ERC2: variants seen among roughly 807,000 people sequenced by gnomAD.
ERC2 encodes ELKS/RAB6-interacting/CAST family member 2, also known as ERC protein 2.
In ERC2, 42 loss-of-function variants were observed where a neutral mutation model predicts 114.8. The observed-to-expected ratio is 0.37, with a 90% CI of 0.29 to 0.47. The LOEUF is 0.47. ERC2 is among the 20% of genes least tolerant of loss of function. The pLI, the probability that ERC2 is intolerant of heterozygous loss-of-function variation, is 0.99. For synonymous variants in ERC2, 454 were observed against 425.5 expected, an observed-to-expected ratio of 1.07 and a Z score of -0.82; for missense variants, 939 against 1,150.7, an observed-to-expected ratio of 0.82 and a Z score of 2.66.
chr3:56,102,085 G>A (rs1010958663), intron 6 of ERC2, among the ~76,000 whole-genome samples: 5 of 152,144 alleles, frequency 3.3e-5, no homozygotes, highest in South Asian at 2.1e-4. Context: ...TTATTCATAC[G>A]TTCACTGGCT....
chr3:55,529,332 C>A (rs1017846097), intron 17 of ERC2, among the ~76,000 whole-genome samples: 1 of 152,200 alleles, frequency 6.6e-6, no homozygotes. Context: ...CCTGGATTGA[C>A]TATGGAGCAC....
At chr3:56,244,904 T>C (rs900702785) in intron 3 of ERC2, among the ~76,000 whole-genome samples, 2 of 152,148 alleles carry the variant, frequency 1.3e-5, no homozygotes, top group African/African-American at 4.8e-5. Context: ...CTCTCTTTCA[T>C]ACCACATTTT....
chr3:55,682,613 T>A (rs2148774131), intron 17 of ERC2, among the ~76,000 whole-genome samples: 1 of 152,302 alleles, frequency 6.6e-6, no homozygotes, highest in East Asian at 1.9e-4. Flanking sequence ...AAGCACTACC[T>A]GCCATGCTAT....
chr3:55,883,871 G>A (rs1395489904), intron 14 of ERC2, among the ~76,000 whole-genome samples: 1 of 150,544 alleles, frequency 6.6e-6, no homozygotes, highest in Non-Finnish European at 1.5e-5. Context: ...CTGGGCAACA[G>A]AGTGAGGCTC....
chr3:56,028,779 CA>C (rs965359196), intron 7 of ERC2, among the ~76,000 whole-genome samples: 1 of 151,942 alleles, frequency 6.6e-6, no homozygotes, highest in Non-Finnish European at 1.5e-5. Flanking sequence ...ATGTCATCTT[CA>C]AAAAAGGATG....
chr3:55,697,629 C>A (rs1361864702), intron 16 of ERC2, among the ~76,000 whole-genome samples: 2 of 152,112 alleles, frequency 1.3e-5, no homozygotes, highest in Non-Finnish European at 2.9e-5. Context: ...CCCAGTAGAA[C>A]ATATGAGCAT....
Position 56,173,486 on chromosome 3 carries a change from G to A in ERC2, c.1109C>T (p.Pro370Leu), listed in dbSNP as rs1036923249. ...AGTCTGGAGAGCCTTCGTCTTGGCT[G>A]GCTCCGGCTGAAGTTGGCTTCTTCG... ...LHRRSQLQPE[P>L]AKTKALQTVI... Residue 370 changes from proline (P) to leucine (L), a missense_variant, in exon 4 of 18, where the codon CCA (proline) becomes CTA (leucine). Pro to Leu is a moderately conservative substitution (Grantham distance 98). This residue lies in a region of ERC2 where 148 missense variants were observed against 159.1 expected (regional missense o/e 0.93). Transcript: ENST00000288221. 5.0e-6 allele frequency: 8 copies of A among 1,613,768 alleles called. No individual in the cohort carries two copies. Among genetic ancestry groups the A allele is most frequent in the Non-Finnish European group, 5.9e-6 (7 of 1,179,848 alleles).
chr3:55,875,294 G>A (rs1266664912), intron 14 of ERC2, among the ~76,000 whole-genome samples: 1 of 152,182 alleles, frequency 6.6e-6, no homozygotes, highest in Non-Finnish European at 1.5e-5. Flanking sequence ...TCAAAATAGA[G>A]TGGAATGACA....
At chr3:56,036,213 A>T (rs1288126003) in intron 7 of ERC2, among the ~76,000 whole-genome samples, 1 of 152,236 alleles carries the variant, frequency 6.6e-6, no homozygotes, top group African/African-American at 2.4e-5. Flanking sequence ...GCCTCAACAT[A>T]ATCAAGGTTA....
intron 14 of ERC2, among the ~76,000 whole-genome samples, chr3:55,876,995 G>C (rs2062880691): frequency 6.6e-6 from 1 of 152,180 alleles, no homozygotes; most frequent in Non-Finnish European, 1.5e-5. Flanking sequence ...TATATCCTGT[G>C]TGAGTTCCAT....
intron 15 of ERC2, among the ~76,000 whole-genome samples, chr3:55,711,794 T>C (rs546707902): frequency 7.9e-5 from 12 of 152,244 alleles, no homozygotes; most frequent in Non-Finnish European, 1.2e-4. Context: ...CCTAATGTGT[T>C]TGTTTCCAAC....
At chr3:56,218,927 G>A (rs2049701106) in intron 3 of ERC2, among the ~76,000 whole-genome samples, 1 of 152,094 alleles carries the variant, frequency 6.6e-6, no homozygotes, top group South Asian at 2.1e-4. Flanking sequence ...CTCATAGGTG[G>A]GAACTGAACA....
intron 14 of ERC2, among the ~76,000 whole-genome samples, chr3:55,754,678 G>C (rs1201249593): frequency 6.6e-6 from 1 of 150,432 alleles, no homozygotes; most frequent in Non-Finnish European, 1.5e-5. Flanking sequence ...ATAAATGAAA[G>C]TCCTATCAAT....
intron 14 of ERC2, among the ~76,000 whole-genome samples, chr3:55,831,976 C>T (rs1396996089): frequency 7.9e-5 from 12 of 152,234 alleles, no homozygotes; most frequent in Admixed American, 7.9e-4. Flanking sequence ...CTCAGAGGGT[C>T]CTACGTCCAC....
intron 1 of ERC2, among the ~76,000 whole-genome samples, chr3:56,454,823 C>T (rs556698550): frequency 2.0e-4 from 28 of 138,452 alleles, no homozygotes; most frequent in Non-Finnish European, 3.9e-4. Context: ...TCTGTCACTG[C>T]ACTCCCACTT....
intron 14 of ERC2, among the ~76,000 whole-genome samples, chr3:55,810,997 C>T (rs1360512998): frequency 6.6e-6 from 1 of 152,134 alleles, no homozygotes; most frequent in Non-Finnish European, 1.5e-5. Flanking sequence ...CAGAAACCTA[C>T]AATTCCCATG....
intron 2 of ERC2, among the ~76,000 whole-genome samples, chr3:56,430,664 C>T (rs1162495419): frequency 6.6e-6 from 1 of 151,928 alleles, no homozygotes; most frequent in Non-Finnish European, 1.5e-5. Context: ...TGACACACAC[C>T]TGTAGTCCCA....
At chr3:55,713,399 T>C (rs2148863311) in intron 15 of ERC2, among the ~76,000 whole-genome samples, 1 of 152,042 alleles carries the variant, frequency 6.6e-6, no homozygotes, top group South Asian at 2.1e-4. Context: ...TTAGTAGAGA[T>C]GGTGGGGGAG....
intron 3 of ERC2, among the ~76,000 whole-genome samples, chr3:56,176,458 CAG>C: frequency 6.6e-6 from 1 of 152,268 alleles, no homozygotes; most frequent in Non-Finnish European, 1.5e-5. Flanking sequence ...ATAATGGAAA[CAG>C]AGTTCTCTTT....
Sources: gnomAD v4.1 joint callset for allele counts (sites outside exome capture counted in the v4.1 genomes callset) on GRCh38, gnomAD v4.1.1 for gene constraint, gnomAD v4.1.1 regional missense constraint, MANE v1.5 for transcripts, NCBI Gene and HGNC (gene_info 2026-07-23, HGNC 2026-07-21) for gene names.